Variants in MYH11 observed in about 807,000 individuals in gnomAD.
The protein encoded by MYH11 is myosin heavy chain 11.
Under a neutral mutation model 246.6 loss-of-function variants are expected in MYH11, and 80 were observed. The ratio of observed to expected loss-of-function variants is 0.32; its 90% confidence interval spans 0.27 to 0.39. The LOEUF is 0.39. MYH11 is among the 10% of genes least tolerant of loss of function. The pLI, the probability that MYH11 is intolerant of heterozygous loss-of-function variation, is 1.00. For synonymous variants in MYH11, 1,071 were observed against 1,015.5 expected, an observed-to-expected ratio of 1.05 and a Z score of -1.04; for missense variants, 2,158 against 2,546.8, an observed-to-expected ratio of 0.85 and a Z score of 3.29.
chr16:15,790,607 C>T (rs2042585998), intron 4 of MYH11, among the ~76,000 whole-genome samples: 1 of 152,130 alleles, frequency 6.6e-6, no homozygotes, highest in African/African-American at 2.4e-5. Flanking sequence ...CTTTTCTGAC[C>T]CCTGACCTCT....
rs920678560 is a variant in MYH11, at chr16:15,720,822, T to C, written c.4791+17A>G. 13 of 1,612,432 alleles carry C rather than the reference T, an allele frequency of 8.1e-6. No individual in the cohort carries two copies. The highest frequency in any genetic ancestry group is 1.1e-5 in the Non-Finnish European group (13 of 1,179,858). On this transcript the variant is annotated intron_variant, in intron 33 of 40. Transcript: ENST00000300036. ...GCCACCCGACCTCCCTCTGCTGGCCTCCCCGGCAGCACGCACCTGTCTCTG... is the reference window on the plus strand; with the variant it reads ...GCCACCCGACCTCCCTCTGCTGGCCCCCCCGGCAGCACGCACCTGTCTCTG...
At chr16:15,753,110 G>A (rs1243795141) in intron 15 of MYH11, among the ~76,000 whole-genome samples, 1 of 152,148 alleles carries the variant, frequency 6.6e-6, no homozygotes, top group African/African-American at 2.4e-5. Flanking sequence ...CTCTGGACAG[G>A]GCAGTCTAAC....
chr16:15,847,169 T>G (rs1336086036), intron 1 of MYH11, among the ~76,000 whole-genome samples: 1 of 152,010 alleles, frequency 6.6e-6, no homozygotes, highest in East Asian at 1.9e-4. Flanking sequence ...TTTGTGCAGA[T>G]GGTAGCCAAT....
chr16:15,778,100 G>A (rs1567753369), intron 7 of MYH11, among the ~76,000 whole-genome samples: 1 of 152,156 alleles, frequency 6.6e-6, no homozygotes, highest in Non-Finnish European at 1.5e-5. Flanking sequence ...CAAAGCTCCT[G>A]AGGCTGATCA....
At chr16:15,814,281 C>T (rs60394512) in intron 3 of MYH11, among the ~76,000 whole-genome samples, 21,588 of 144,938 alleles carry the variant, frequency 0.15, 2,740 homozygotes, top group African/African-American at 0.35. Flanking sequence ...GTCCAGACAC[C>T]GTGGCTCACG....
In MYH11 at chr16:15,724,698, C is replaced by T; in HGVS notation, c.4065G>A (p.Glu1355=). 1.2e-6 allele frequency: 2 copies of T among 1,614,198 alleles called. No individual in the cohort carries two copies. The highest frequency in any genetic ancestry group is 1.3e-5 in the African/African-American group (1 of 75,056). The change falls in exon 30 of 41, where the codon GAG becomes GAA. Residue 1355 remains glutamate (E), a synonymous_variant. Coordinates refer to ENST00000300036, the MANE Select transcript of MYH11 (RefSeq NM_002474.3). ...GCTCCAGGTTCTGCTTGGCCTCCAT[C>T]TCCTCGTCCAGCTGGTCTTGCAGGC... ...RNSLQDQLDE[E]MEAKQNLERH...
intron 3 of MYH11, among the ~76,000 whole-genome samples, chr16:15,822,264 T>A (rs2043434039): frequency 6.6e-6 from 1 of 152,092 alleles, no homozygotes. Context: ...TCAGAGGGGG[T>A]GTGAGTTTTC....
chr16:15,717,235 C>T lies in MYH11; in HGVS notation c.5409G>A (p.Glu1803=), dbSNP rs774787313. The change falls in exon 38 of 41, where the codon GAG becomes GAA. Residue 1803 remains glutamate, a synonymous_variant. Transcript: ENST00000300036. ...QNKELRSKLH[E]MEGAVKSKFK... Reference sequence around the variant, plus strand: ...ACTTGGACTTGACGGCCCCCTCCATCTCGTGGAGCTTGCTCCGGAGCTCCT... The same window carrying T: ...ACTTGGACTTGACGGCCCCCTCCATTTCGTGGAGCTTGCTCCGGAGCTCCT... 1.2e-6 allele frequency: 2 copies of T among 1,614,228 alleles called. No homozygotes were observed. The highest frequency in any genetic ancestry group is 2.2e-5 in the South Asian group (2 of 91,092).
chr16:15,708,743 T>G (rs2039605468), intron 40 of MYH11: 3 of 1,556,786 alleles, frequency 1.9e-6, no homozygotes, highest in African/African-American at 1.4e-5. Flanking sequence ...AGGGGCGCAT[T>G]GGGCAGAAAA....
At chr16:15,829,278 A>G (rs2043662566) in intron 2 of MYH11, among the ~76,000 whole-genome samples, 1 of 152,170 alleles carries the variant, frequency 6.6e-6, no homozygotes, top group Non-Finnish European at 1.5e-5. Context: ...GAGGAATATG[A>G]CTTCCATCCT....
chr16:15,749,770 A>G (rs2041515158), intron 16 of MYH11: 3 of 376,048 alleles, frequency 8.0e-6, no homozygotes, highest in East Asian at 5.3e-5. Flanking sequence ...AGAGGACACA[A>G]TCGCCCCAAG....
At chr16:15,793,719 A>C (rs2151316427) in intron 4 of MYH11, among the ~76,000 whole-genome samples, 1 of 142,926 alleles carries the variant, frequency 7.0e-6, no homozygotes, top group African/African-American at 2.6e-5. Flanking sequence ...CCCCAGGTTC[A>C]CGCCATTCTC....
intron 3 of MYH11, among the ~76,000 whole-genome samples, chr16:15,814,804 C>G (rs2043226379): frequency 6.6e-6 from 1 of 152,092 alleles, no homozygotes; most frequent in African/African-American, 2.4e-5. Context: ...AGCCAAGTGA[C>G]TGCCCTTCTC....
intron 11 of MYH11, among the ~76,000 whole-genome samples, chr16:15,760,108 A>G (rs1370795682): frequency 5.2e-5 from 5 of 95,962 alleles, no homozygotes; most frequent in Admixed American, 3.3e-4. Context: ...AAAACAAAAA[A>G]CAAACAAACA....
intron 2 of MYH11, among the ~76,000 whole-genome samples, chr16:15,831,464 G>GTGTGTGTGTGT (rs1555458281): frequency 2.1e-5 from 3 of 145,588 alleles, no homozygotes; most frequent in African/African-American, 7.7e-5. Context: ...TTATGTTTGG[G>GTGTGTGTGTGT]GTGTGTGTGT....
intron 4 of MYH11, among the ~76,000 whole-genome samples, chr16:15,788,798 ATGTGTGTGTGTG>A (rs58077308): frequency 1.8e-4 from 19 of 104,898 alleles, no homozygotes; most frequent in East Asian, 1.4e-3. Context: ...ACCAGAATAT[ATGTGTGTGTGTG>A]TGTGTGTGTG....
Position 15,797,931 on chromosome 16 carries a change from G to A in MYH11, c.530+729C>T, listed in dbSNP as rs74782689. ...ATGTCCCCTCAGATGTGCTCCCTTC[G>A]GCAGCACACATACAAAAATGTCCCC... On this transcript the variant is annotated intron_variant, in intron 4 of 40. Transcript: ENST00000300036. 6.5e-3 allele frequency among the ~76,000 whole-genome samples: 992 copies of A among 151,642 alleles called. 11 individuals are homozygous for A. Among genetic ancestry groups the A allele is most frequent in the African/African-American group, 0.023 (942 of 41,308 alleles).
chr16:15,826,141 C>G (rs1247827069), intron 2 of MYH11, among the ~76,000 whole-genome samples: 1 of 150,514 alleles, frequency 6.6e-6, no homozygotes, highest in Admixed American at 6.6e-5. Context: ...ACTGATCGTT[C>G]GTTCATTCAT....
At chr16:15,739,941 C>T (rs1386946537) in intron 23 of MYH11, 110 bp downstream of exon 23, 1 of 1,167,040 alleles carries the variant, frequency 8.6e-7, no homozygotes, top group East Asian at 2.4e-5. Context: ...GGAGTTTTAC[C>T]CTGTTGGCCA....
Sources: allele counts gnomAD v4.1 joint callset (sites outside exome capture counted in the v4.1 genomes callset), GRCh38; gene constraint gnomAD v4.1.1; transcripts MANE v1.5; gene names NCBI Gene and HGNC (gene_info 2026-07-23, HGNC 2026-07-21).